Variants in HS3ST4 observed in about 807,000 individuals in gnomAD.
HS3ST4 encodes the protein heparan sulfate-glucosamine 3-sulfotransferase 4.
HS3ST4 carries 17 observed loss-of-function variants against 29.2 expected under a neutral mutation model. The ratio of observed to expected loss-of-function variants is 0.58; its 90% confidence interval spans 0.40 to 0.87. The LOEUF is 0.87. Among genes scored for constraint, HS3ST4 ranks in the 40% least tolerant of loss-of-function variants. HS3ST4 has a pLI of 0.00. For synonymous variants in HS3ST4, 314 were observed against 285.7 expected, an observed-to-expected ratio of 1.10 and a Z score of -1.00; for missense variants, 627 against 634.5, an observed-to-expected ratio of 0.99 and a Z score of 0.13.
At position 26,112,404 on chromosome 16, in the gene HS3ST4, A is replaced by G. The variant is rs932264151; in HGVS notation, c.735-23208A>G. Among the ~76,000 whole-genome samples the G allele has an allele frequency of 5.3e-5, 3 of 57,040 alleles. No homozygotes were observed. In the East Asian group the frequency reaches 1.3e-3, roughly 24 times the overall value. The allele number at this position is 57,040 out of a possible 152,430, so 37.4% of individuals were successfully genotyped here. On this transcript the variant is annotated intron_variant, in intron 1 of 1. Transcript: ENST00000331351. The stretch of plus-strand genomic sequence containing the variant: ...ATCTTTTTTTTTTTTTTTTTTTGAG[A>G]CGGAATCTAGCTCTGTCACCTGGGC...
intron 1 of HS3ST4, among the ~76,000 whole-genome samples, chr16:25,915,737 T>A (rs1968287356): frequency 1.3e-5 from 2 of 152,232 alleles, no homozygotes; most frequent in Non-Finnish European, 2.9e-5. Flanking sequence ...CAAGAAAGCT[T>A]ACACCTCTCA....
chr16:25,790,864 C>T (rs1010454329), intron 1 of HS3ST4, among the ~76,000 whole-genome samples: 6 of 152,118 alleles, frequency 3.9e-5, no homozygotes, highest in Non-Finnish European at 7.4e-5. Flanking sequence ...TTCATACACT[C>T]TATGGTCTTT....
intron 1 of HS3ST4, among the ~76,000 whole-genome samples, chr16:26,006,119 T>G (rs981557996): frequency 1.3e-5 from 2 of 151,814 alleles, no homozygotes; most frequent in African/African-American, 4.8e-5. Flanking sequence ...GACAACATGG[T>G]AAAACCCCAT....
chr16:26,085,971 C>T lies in HS3ST4; in HGVS notation c.735-49641C>T, dbSNP rs142708409. ...GTTCAAACCTTAGCTTTGCCAGTTC[C>T]CAGCTTTACCAACATGGACACATCA... On this transcript the variant is annotated intron_variant, in intron 1 of 1. Coordinates refer to ENST00000331351, the MANE Select transcript of HS3ST4 (RefSeq NM_006040.3). Among the ~76,000 whole-genome samples the T allele has an allele frequency of 1.1e-3, 165 of 152,056 alleles. 1 individual carries two copies. Among genetic ancestry groups the T allele is most frequent in the Non-Finnish European group, 4.6e-4 (31 of 68,002 alleles).
chr16:25,759,947 T>A (rs1966779435), intron 1 of HS3ST4, among the ~76,000 whole-genome samples: 1 of 151,892 alleles, frequency 6.6e-6, no homozygotes. Context: ...ATGGTGAGTA[T>A]GAAGGAGTAA....
intron 1 of HS3ST4, among the ~76,000 whole-genome samples, chr16:25,944,782 G>A (rs909230705): frequency 3.9e-5 from 6 of 152,078 alleles, no homozygotes; most frequent in African/African-American, 1.4e-4. Context: ...AGGTAGCACA[G>A]GGCTAGGAAT....
At chr16:25,897,131 G>A (rs998025371) in intron 1 of HS3ST4, among the ~76,000 whole-genome samples, 1 of 152,108 alleles carries the variant, frequency 6.6e-6, no homozygotes, top group Admixed American at 6.5e-5. Flanking sequence ...ACCTGCACAT[G>A]TGCCCCCAGA....
rs761731512 is a variant in HS3ST4 at position 25,838,421 on chromosome 16, C to G, written c.734+145270C>G. On this transcript the variant is annotated intron_variant, in intron 1 of 1. Coordinates refer to ENST00000331351, the MANE Select transcript of HS3ST4 (RefSeq NM_006040.3). Reference sequence around the variant, plus strand: ...ATATGTGGCTGGTTCTAACAAAAGGCAAAGATAATAGTTTCAGCTCTCAAG... The same window carrying G: ...ATATGTGGCTGGTTCTAACAAAAGGGAAAGATAATAGTTTCAGCTCTCAAG... 5.8e-4 allele frequency among the ~76,000 whole-genome samples: 89 copies of G among 152,298 alleles called. 1 individual carries two copies. Among genetic ancestry groups the G allele is most frequent in the Non-Finnish European group, 9.3e-4 (63 of 68,024 alleles).
intron 1 of HS3ST4, among the ~76,000 whole-genome samples, chr16:26,015,351 G>T (rs148223392): frequency 6.6e-6 from 1 of 152,320 alleles, no homozygotes; most frequent in South Asian, 2.1e-4. Context: ...GCAGAATCTG[G>T]TGGGGAATGG....
rs145983759 is a variant in HS3ST4 at position 25,915,479 on chromosome 16, C to G, written c.735-220133C>G. Among the ~76,000 whole-genome samples, 376 of 152,232 alleles carry G rather than the reference C, an allele frequency of 2.5e-3. 2 individuals are homozygous for G. The highest frequency in any genetic ancestry group is 8.7e-3 in the African/African-American group (361 of 41,526). ...AGTAATGAAATGAAAATTCCAAGAG[C>G]ATAACATCTGTGGATGCATTTGGAT... On this transcript the variant is annotated intron_variant, in intron 1 of 1. Coordinates refer to ENST00000331351, the MANE Select transcript of HS3ST4 (RefSeq NM_006040.3).
At chr16:26,129,240 G>T (rs942511257) in intron 1 of HS3ST4, among the ~76,000 whole-genome samples, 24 of 152,198 alleles carry the variant, frequency 1.6e-4, no homozygotes, top group African/African-American at 5.3e-4. Context: ...GCAAGTCAGG[G>T]ATAGCTCAGC....
At chr16:25,864,322 A>G (rs1967671129) in intron 1 of HS3ST4, among the ~76,000 whole-genome samples, 1 of 125,506 alleles carries the variant, frequency 8.0e-6, no homozygotes, top group Admixed American at 7.5e-5. Flanking sequence ...AGAACATTTA[A>G]GATCTATACT....
At chr16:25,852,347 G>T (rs1967530326) in intron 1 of HS3ST4, among the ~76,000 whole-genome samples, 2 of 152,146 alleles carry the variant, frequency 1.3e-5, no homozygotes, top group Non-Finnish European at 1.5e-5. Flanking sequence ...AGGATGTGCA[G>T]GTTTGTTACA....
At chr16:25,700,446 T>C (rs1596547325) in intron 1 of HS3ST4, among the ~76,000 whole-genome samples, 1 of 152,238 alleles carries the variant, frequency 6.6e-6, no homozygotes, top group East Asian at 1.9e-4. Flanking sequence ...CGAAACCCTC[T>C]ATTTTGAGAT....
At chr16:25,746,541 A>G (rs942442200) in intron 1 of HS3ST4, among the ~76,000 whole-genome samples, 5 of 150,004 alleles carry the variant, frequency 3.3e-5, no homozygotes, top group African/African-American at 9.7e-5. Context: ...GATGCCAGCC[A>G]TCACAATTGG....
intron 1 of HS3ST4, among the ~76,000 whole-genome samples, chr16:25,713,594 T>TCAACACAAAA (rs1966431784): frequency 6.6e-6 from 1 of 152,166 alleles, no homozygotes; most frequent in Non-Finnish European, 1.5e-5. Context: ...CAAAAGGCCT[T>TCAACACAAAA]GGTTCCTTGC....
chr16:26,006,066 A>G (rs1218712708), intron 1 of HS3ST4, among the ~76,000 whole-genome samples: 1 of 152,054 alleles, frequency 6.6e-6, no homozygotes, highest in Non-Finnish European at 1.5e-5. Context: ...TGGGAGGCTG[A>G]GGTATGTGAA....
intron 1 of HS3ST4, among the ~76,000 whole-genome samples, chr16:25,866,731 G>T (rs978064896): frequency 6.6e-6 from 1 of 152,066 alleles, no homozygotes; most frequent in Admixed American, 6.6e-5. Context: ...TAGATGACGG[G>T]TTGATAGGTG....
intron 1 of HS3ST4, among the ~76,000 whole-genome samples, chr16:25,789,252 GTCT>G (rs1427896483): frequency 2.0e-5 from 3 of 151,160 alleles, no homozygotes; most frequent in East Asian, 2.0e-4. Flanking sequence ...CCTCCAACTG[GTCT>G]TCTTCTTCCT....
Sources: allele counts gnomAD v4.1 joint callset (sites outside exome capture counted in the v4.1 genomes callset), GRCh38; gene constraint gnomAD v4.1.1; transcripts MANE v1.5; gene names NCBI Gene and HGNC (gene_info 2026-07-23, HGNC 2026-07-21).